Variants in SCML2 observed in about 807,000 individuals in gnomAD.
SCML2 encodes Scm polycomb group protein like 2, also known as sex comb on midleg-like protein 2.
Under a neutral mutation model 48.4 loss-of-function variants are expected in SCML2, and 6 were observed. That is an observed-to-expected ratio of 0.12 (90% CI 0.07 to 0.24). The LOEUF (loss-of-function observed/expected upper bound fraction) is 0.24. Among genes scored for constraint, SCML2 ranks in the 10% least tolerant of loss-of-function variants. SCML2 has a pLI of 1.00. For missense variants in SCML2, 377 were observed against 528.2 expected, an observed-to-expected ratio of 0.71 and a Z score of 2.81; for synonymous variants, 181 against 189.5, an observed-to-expected ratio of 0.95 and a Z score of 0.37.
chrX:18,344,995 T>C (rs1276886640), intron 1 of SCML2, among the ~76,000 whole-genome samples: 1 of 111,321 alleles, frequency 9.0e-6, no homozygotes, highest in Non-Finnish European at 1.9e-5. Flanking sequence ...CTAAGGCTTT[T>C]ATATATGTAT....
At chrX:18,319,945 T>A (rs1929261742) in intron 6 of SCML2, among the ~76,000 whole-genome samples, 1 of 111,070 alleles carries the variant, frequency 9.0e-6, no homozygotes, top group Admixed American at 9.6e-5. Flanking sequence ...AGAAGAGAGA[T>A]CTCACCAGAA....
At chrX:18,257,163 G>A in intron 10 of SCML2, 133 bp from the exon 11 acceptor site, 1 of 389,389 alleles carries the variant, frequency 2.6e-6, no homozygotes, top group Non-Finnish European at 4.2e-6. Context: ...ATAAAGGAAT[G>A]ATCTTATATT....
Position 18,304,985 on chromosome X carries a change from G to A in SCML2, c.717C>T (p.Pro239=), listed in dbSNP as rs1928711396. The A allele has an allele frequency of 3.3e-6, 4 of 1,206,322 alleles. No individual in the cohort carries two copies. The highest frequency in any genetic ancestry group is 3.5e-5 in the African/African-American group (2 of 56,899). The change falls in exon 7 of 15, where the codon CCC becomes CCT. Residue 239 remains proline (P), a synonymous_variant. Coordinates refer to ENST00000251900, the MANE Select transcript of SCML2 (RefSeq NM_006089.3). The stretch of plus-strand genomic sequence containing the variant: ...TTATTATCTTACCACTAGTTCCTGG[G>A]GGTTGTAATACATCTCCTGTCAGGC... ...WCRLTGDVLQ[P]PGTSVPIVKN... is the part of the protein sequence containing the mutation.
At chrX:18,261,172 T>A (rs1270832970) in intron 8 of SCML2, among the ~76,000 whole-genome samples, 1 of 108,461 alleles carries the variant, frequency 9.2e-6, no homozygotes, top group Non-Finnish European at 1.9e-5. Context: ...AAACAAAAAA[T>A]GTGATTTTTT....
In SCML2 at chrX:18,324,023, G is replaced by C. The variant is rs1389944786; in HGVS notation, c.233C>G (p.Thr78Ser). ...AATAACCGTAGCAATACATACTGAA[G>C]TGGCATTGCGAGGGTCACGGGCTTC... ...KLEARDPRNA[T>S]SVCIATVIGI... The change falls in exon 5 of 15, where the codon ACT becomes AGT. Residue 78 changes from threonine (T) to serine (S), a missense_variant. Physicochemically the swap from Thr to Ser is moderately conservative, Grantham distance 58 (BLOSUM62 1). Coordinates refer to ENST00000251900, the MANE Select transcript of SCML2 (RefSeq NM_006089.3). 4.1e-6 allele frequency: 5 copies of C among 1,208,645 alleles called. No individual in the cohort carries two copies. In the East Asian group the frequency reaches 1.5e-4, roughly 36 times the overall value.
intron 1 of SCML2, among the ~76,000 whole-genome samples, chrX:18,335,373 ACATGCCTGTAGTCT>A (rs1209914701): frequency 9.0e-6 from 1 of 110,872 alleles, no homozygotes; most frequent in Non-Finnish European, 1.9e-5. Flanking sequence ...GTGTGGTGGT[ACATGCCTGTAGTCT>A]CAGCTATTCA....
At chrX:18,253,847 T>C (rs1168089797) in intron 11 of SCML2, among the ~76,000 whole-genome samples, 1 of 112,091 alleles carries the variant, frequency 8.9e-6, no homozygotes, top group African/African-American at 3.2e-5. Flanking sequence ...TCTAACTATA[T>C]GCAACAATAC....
intron 6 of SCML2, among the ~76,000 whole-genome samples, chrX:18,309,574 T>C (rs756292679): frequency 1.8e-5 from 2 of 112,062 alleles, no homozygotes; most frequent in South Asian, 3.7e-4. Flanking sequence ...TTGGTACATA[T>C]ATACCATGGA....
intron 7 of SCML2, among the ~76,000 whole-genome samples, chrX:18,269,354 G>T (rs1425823181): frequency 9.0e-6 from 1 of 111,029 alleles, no homozygotes; most frequent in African/African-American, 3.3e-5. Context: ...TTTTATAAGG[G>T]GCTCTTCCCA....
chrX:18,324,176 G>C (rs1432529943), intron 4 of SCML2, 83 bp from the exon 5 acceptor site: 2 of 584,945 alleles, frequency 3.4e-6, no homozygotes, highest in Non-Finnish European at 5.5e-6. Context: ...GAATACCTGA[G>C]GAACATTTTA....
In SCML2 at chrX:18,246,723, C is replaced by A; in HGVS notation, c.1676G>T (p.Cys559Phe). 1 of 1,209,527 alleles carries A rather than the reference C, an allele frequency of 8.3e-7. No individual in the cohort carries two copies. ...AGTATGAATATACATAGGATTTCTA[C>A]AGGCAGGATTCAAATAATTTCCTGA... ...LNSGNYLNPA[C>F]RNPMYIHTSV... The change falls in exon 13 of 15, where the codon TGT becomes TTT. Residue 559 changes from cysteine to phenylalanine, a missense_variant. By Grantham distance (205) the Cys-to-Phe change is radical. This residue lies in a region of SCML2 where 299 missense variants were observed against 425.5 expected (regional missense o/e 0.70). Coordinates refer to ENST00000251900, the MANE Select transcript of SCML2 (RefSeq NM_006089.3).
At chrX:18,260,591 A>ATTTTTTTTTTTTTTTTTTTTT (rs1927028054) in intron 8 of SCML2, among the ~76,000 whole-genome samples, 1 of 109,480 alleles carries the variant, frequency 9.1e-6, no homozygotes, top group African/African-American at 3.5e-5. Flanking sequence ...AACATACTTT[A>ATTTTTTTTTTTTTTTTTTTTT]TTTTTTGAGG....
chrX:18,351,599 T>C (rs1703372964), intron 1 of SCML2, among the ~76,000 whole-genome samples: 1 of 100,662 alleles, frequency 9.9e-6, no homozygotes, highest in African/African-American at 3.7e-5. Flanking sequence ...GGGTAGCTAA[T>C]AGAGAGGACC....
At chrX:18,329,745 T>C (rs971262404) in intron 3 of SCML2, among the ~76,000 whole-genome samples, 2 of 112,380 alleles carry the variant, frequency 1.8e-5, no homozygotes, top group Non-Finnish European at 3.8e-5. Flanking sequence ...TTTCCAGTAG[T>C]GCCATGAGAT....
At chrX:18,352,721 G>A (rs1930413396) in intron 1 of SCML2, among the ~76,000 whole-genome samples, 1 of 111,895 alleles carries the variant, frequency 8.9e-6, no homozygotes, top group South Asian at 3.7e-4. Context: ...AAATCAAAAG[G>A]ACTGATCAAC....
intron 7 of SCML2, among the ~76,000 whole-genome samples, chrX:18,301,855 A>T (rs1221713034): frequency 2.7e-5 from 3 of 112,045 alleles, no homozygotes; most frequent in Non-Finnish European, 5.6e-5. Context: ...GAAAATGATA[A>T]AATAAGGAAA....
intron 7 of SCML2, among the ~76,000 whole-genome samples, chrX:18,270,406 T>A (rs1471035845): frequency 9.0e-6 from 1 of 111,021 alleles, no homozygotes; most frequent in East Asian, 2.8e-4. Context: ...TTGGGGGTTT[T>A]TCATTTTTTG....
intron 6 of SCML2, among the ~76,000 whole-genome samples, chrX:18,312,491 T>A (rs1381609408): frequency 9.0e-6 from 1 of 111,591 alleles, no homozygotes; most frequent in Non-Finnish European, 1.9e-5. Flanking sequence ...ATAGCTGTTA[T>A]ACTATATTTT....
chrX:18,354,999 G>T (rs1930497537), upstream of SCML2, among the ~76,000 whole-genome samples: 1 of 111,380 alleles, frequency 9.0e-6, no homozygotes, highest in Non-Finnish European at 1.9e-5. Flanking sequence ...TTCCATCCCG[G>T]GAACTCGCTC....
Sources: gnomAD v4.1 joint callset for allele counts (sites outside exome capture counted in the v4.1 genomes callset) on GRCh38, gnomAD v4.1.1 for gene constraint, gnomAD v4.1.1 regional missense constraint, MANE v1.5 for transcripts, NCBI Gene and HGNC (gene_info 2026-07-23, HGNC 2026-07-21) for gene names.